The following TMEM65 variants were observed in gnomAD, a reference collection of about 807,000 sequenced individuals.
TMEM65 encodes transmembrane protein 65.
TMEM65 carries 22 observed loss-of-function variants against 25.4 expected under a neutral mutation model. That is an observed-to-expected ratio of 0.86 (90% CI 0.62 to 1.23). TMEM65 has a LOEUF of 1.23. Ranked by LOEUF, TMEM65 falls within the 50% of genes most tolerant of loss-of-function variation. TMEM65 has a pLI of 0.00. For synonymous variants in TMEM65, 132 were observed against 126.2 expected (o/e 1.05, Z -0.31); for missense variants, 262 against 308.2 (o/e 0.85, Z 1.12).
chr8:124,338,095 T>G (rs777444100), intron 1 of TMEM65, among the ~76,000 whole-genome samples: 3 of 152,076 alleles, frequency 2.0e-5, no homozygotes, highest in Non-Finnish European at 2.9e-5. Context: ...TTTGACGTAT[T>G]GTCCTTCAAT....
intron 3 of TMEM65, among the ~76,000 whole-genome samples, chr8:124,326,523 C>T (rs974136138): frequency 3.9e-5 from 6 of 151,998 alleles, no homozygotes; most frequent in African/African-American, 1.2e-4. Context: ...ACTGCCTTCT[C>T]GGAAACTACT....
Position 124,318,407 on chromosome 8 carries a change from C to T in TMEM65, c.621+1679G>A, listed in dbSNP as rs192413905. 2.6e-3 allele frequency among the ~76,000 whole-genome samples: 288 copies of T among 109,784 alleles called. 2 individuals are homozygous for T. Among genetic ancestry groups the T allele is most frequent in the African/African-American group, 8.7e-3 (239 of 27,582 alleles). The allele number at this position is 109,784 out of a possible 152,430, so 72.0% of individuals were successfully genotyped here. ...TTTTTTTTTTTGAGATGGAGTCTCACTCTGTCACCCAGGCTGGAGTGCAAT... is the reference window on the plus strand; with the variant it reads ...TTTTTTTTTTTGAGATGGAGTCTCATTCTGTCACCCAGGCTGGAGTGCAAT... On this transcript the variant is annotated intron_variant, in intron 6 of 6. Coordinates refer to ENST00000297632, the MANE Select transcript of TMEM65 (RefSeq NM_194291.3).
intron 1 of TMEM65, among the ~76,000 whole-genome samples, chr8:124,347,630 A>T (rs1180959951): frequency 6.6e-6 from 1 of 152,208 alleles, no homozygotes; most frequent in Non-Finnish European, 1.5e-5. Context: ...TAAAACTGTC[A>T]CATTGTTAAC....
At chr8:124,362,688 A>G (rs1216992179) in intron 1 of TMEM65, among the ~76,000 whole-genome samples, 2 of 141,452 alleles carry the variant, frequency 1.4e-5, no homozygotes, top group Middle Eastern at 3.4e-3. Flanking sequence ...AAAAAATGCT[A>G]AGAGATTATA....
chr8:124,351,077 C>A, intron 1 of TMEM65: 1 of 985,102 alleles, frequency 1.0e-6, no homozygotes, highest in Non-Finnish European at 1.2e-6. Context: ...ACTTCCTTCG[C>A]AAGCTTCACA....
chr8:124,308,354 A>G lies in TMEM65; in HGVS notation c.*5606T>C, dbSNP rs918779167. 2.0e-5 allele frequency: 3 copies of G among 152,200 alleles called. No homozygotes were observed. Among genetic ancestry groups the G allele is most frequent in the African/African-American group, 7.2e-5 (3 of 41,452 alleles). 9.4% of individuals were successfully genotyped at this position (152,200 alleles called of 1,614,324 possible). On this transcript the variant is annotated 3_prime_UTR_variant, in exon 7 of 7. Coordinates refer to ENST00000297632, the MANE Select transcript of TMEM65 (RefSeq NM_194291.3). ...GCTCATTACACACAGTACTCTATGC[A>G]AAGAACCATCAGTGCCATGCAAGAG...
intron 1 of TMEM65, among the ~76,000 whole-genome samples, chr8:124,335,337 G>A (rs1482089690): frequency 6.6e-6 from 1 of 152,118 alleles, no homozygotes; most frequent in Non-Finnish European, 1.5e-5. Context: ...GTCAACCTGC[G>A]ATACAGAAAG....
chr8:124,315,561 T>C (rs1055580764), intron 6 of TMEM65, among the ~76,000 whole-genome samples: 21 of 152,088 alleles, frequency 1.4e-4, no homozygotes, highest in African/African-American at 5.1e-4. Context: ...GACCTCATGA[T>C]CCACCCGCCT....
chr8:124,347,158 A>G (rs1310631715), intron 1 of TMEM65, among the ~76,000 whole-genome samples: 1 of 152,206 alleles, frequency 6.6e-6, no homozygotes, highest in African/African-American at 2.4e-5. Flanking sequence ...TAAGCTTTCT[A>G]AAGTTAAGCT....
At chr8:124,330,631 T>A in intron 2 of TMEM65, 117 bp downstream of exon 2, 1 of 965,234 alleles carries the variant, frequency 1.0e-6, no homozygotes, top group Non-Finnish European at 1.5e-6. Flanking sequence ...AACAGGATAA[T>A]CCACTCTATC....
At chr8:124,339,129 C>T (rs113989539) in intron 1 of TMEM65, among the ~76,000 whole-genome samples, 11,414 of 134,920 alleles carry the variant, frequency 0.085, 503 homozygotes, top group African/African-American at 0.13. Flanking sequence ...GCAGAGCTTG[C>T]GGCAGTGAGC....
In TMEM65 at chr8:124,320,013, T is replaced by C. The variant is rs552008465; in HGVS notation, c.621+73A>G. The stretch of plus-strand genomic sequence containing the variant: ...CAAACCAATTTTAGTCTCAAATTTC[T>C]CAAGGGCCTGAACTATACAGAATCT... On this transcript the variant is annotated intron_variant, in intron 6 of 6. Transcript: ENST00000297632. The C allele has an allele frequency of 4.3e-5, 48 of 1,119,820 alleles. No homozygotes were observed. The African/African-American group carries it at 7.2e-4, about 17-fold the overall frequency. 69.4% of individuals were successfully genotyped at this position (1,119,820 alleles called of 1,614,324 possible). A position where few individuals can be genotyped will look rare whatever the true frequency, so the allele number is the denominator to read the frequency against.
chr8:124,322,118 G>A lies in TMEM65; in HGVS notation c.502C>T (p.Leu168=). Residue 168 remains leucine, a synonymous_variant, in exon 5 of 7, where the codon CTA becomes TTA. Transcript: ENST00000297632. ...AAALGNLVSD[L]AGLGLAGYVE... ...GAATGAACCTACCCAAGTCCAGCTA[G>A]ATCTGACACAAGATTTCCCAAAGCA... 6.2e-7 allele frequency: 1 copy of A among 1,607,182 alleles called. No individual in the cohort carries two copies. Among genetic ancestry groups the A allele is most frequent in the Non-Finnish European group, 8.5e-7 (1 of 1,176,164 alleles).
chr8:124,335,362 T>C (rs1184806825), intron 1 of TMEM65, among the ~76,000 whole-genome samples: 1 of 152,166 alleles, frequency 6.6e-6, no homozygotes. Context: ...AGAGAAATTC[T>C]TTAGTCTGAA....
At chr8:124,361,122 A>G (rs1415221448) in intron 1 of TMEM65, among the ~76,000 whole-genome samples, 1 of 152,234 alleles carries the variant, frequency 6.6e-6, no homozygotes, top group East Asian at 1.9e-4. Flanking sequence ...TTTTCGCTAG[A>G]CATTAAGGCT....
intron 6 of TMEM65, among the ~76,000 whole-genome samples, chr8:124,317,591 T>C (rs1414800718): frequency 6.6e-6 from 1 of 152,184 alleles, no homozygotes; most frequent in East Asian, 1.9e-4. Flanking sequence ...GAACTTTTCA[T>C]TTTGTGAATC....
intron 1 of TMEM65, among the ~76,000 whole-genome samples, chr8:124,332,250 A>G (rs554485300): frequency 1.3e-5 from 2 of 152,152 alleles, no homozygotes; most frequent in Admixed American, 6.6e-5. Context: ...AACATGCAAA[A>G]GTGGTTATTT....
In TMEM65 at chr8:124,309,184, G is replaced by A. The variant is rs112547020; in HGVS notation, c.*4776C>T. On this transcript the variant is annotated 3_prime_UTR_variant, in exon 7 of 7. Transcript: ENST00000297632. ...ATGATACATATAACATACAAAATAC[G>A]TGTTAATCTACTGCTTATTTATCAG... 1.3e-5 allele frequency: 2 copies of A among 152,058 alleles called. No individual in the cohort carries two copies. Among genetic ancestry groups the A allele is most frequent in the Admixed American group, 6.5e-5 (1 of 15,276 alleles). The allele number at this position is 152,058 out of a possible 1,614,324, so 9.4% of individuals were successfully genotyped here. A position where few individuals can be genotyped will look rare whatever the true frequency, so the allele number is the denominator to read the frequency against.
At chr8:124,359,164 C>T (rs1308746542) in intron 1 of TMEM65, among the ~76,000 whole-genome samples, 1 of 152,150 alleles carries the variant, frequency 6.6e-6, no homozygotes, top group Non-Finnish European at 1.5e-5. Flanking sequence ...TTTTCTTTCA[C>T]CCTTACGTAG....
Sources: gnomAD v4.1 joint callset for allele counts (sites outside exome capture counted in the v4.1 genomes callset) on GRCh38, gnomAD v4.1.1 for gene constraint, MANE v1.5 for transcripts, NCBI Gene and HGNC (gene_info 2026-07-23, HGNC 2026-07-21) for gene names.